B4GALNT2: variants seen among roughly 807,000 people sequenced by gnomAD.
B4GALNT2 encodes the protein N-acetylneuraminylgalactosylglucosyl-glucoside beta-1,4-N- acetylgalactosaminyltransferase 2.
In B4GALNT2, 42 loss-of-function variants were observed where a neutral mutation model predicts 51.1. The observed-to-expected ratio is 0.82, with a 90% CI of 0.64 to 1.06. The LOEUF (loss-of-function observed/expected upper bound fraction) is 1.06. B4GALNT2 is among the 50% of genes least tolerant of loss of function. The pLI, the probability that B4GALNT2 is intolerant of heterozygous loss-of-function variation, is 0.00. For synonymous variants in B4GALNT2, 253 were observed against 251.7 expected (o/e 1.01, Z -0.05); for missense variants, 602 against 633.6 (o/e 0.95, Z 0.54).
rs2042943656 is a variant in B4GALNT2 at position 49,169,637 on chromosome 17, C to T, written c.1430C>T (p.Thr477Ile). The change falls in exon 11 of 11, where the codon ACC becomes ATC. Residue 477 changes from threonine (T) to isoleucine (I), a missense_variant. Physicochemically the swap from Thr to Ile is moderately conservative, Grantham distance 89. Transcript: ENST00000393354. ...VDSELAALEK[T>I]YNTYRSNTLT... ...TCAGAACTGGCTGCCCTAGAGAAGA[C>T]CTACAATACATACCGGTCCAACACC... 2.5e-6 allele frequency: 4 copies of T among 1,613,062 alleles called. No individual in the cohort carries two copies. The highest frequency in any genetic ancestry group is 3.3e-5 in the Admixed American group (2 of 59,972).
rs1383829432 is a variant in B4GALNT2, at chr17:49,141,420, G to A, written c.188G>A (p.Arg63Lys). ...KLKLLPEERLRNLFSYDGIWL... is the reference protein window; with the variant it reads ...KLKLLPEERLKNLFSYDGIWL... ...AAGCTTCTGCCTGAGGAACGTCTCA[G>A]GAACCTCTTTTCCTACGATGGAATC... Residue 63 changes from arginine to lysine, a missense_variant, in exon 2 of 11, where the codon AGG becomes AAG. Physicochemically the swap from Arg to Lys is conservative, Grantham distance 26 (BLOSUM62 2). Coordinates refer to ENST00000393354, the MANE Select transcript of B4GALNT2 (RefSeq NM_001159387.2). 2.5e-6 allele frequency: 4 copies of A among 1,614,026 alleles called. No homozygotes were observed. Among genetic ancestry groups the A allele is most frequent in the African/African-American group, 1.3e-5 (1 of 74,912 alleles).
At chr17:49,157,558 G>A (rs530285286) in intron 5 of B4GALNT2, among the ~76,000 whole-genome samples, 1 of 152,222 alleles carries the variant, frequency 6.6e-6, no homozygotes, top group Admixed American at 6.5e-5. Flanking sequence ...CTGACCTTAA[G>A]TGATCCATCT....
Position 49,175,024 on chromosome 17 carries a change from T to TGACA in B4GALNT2, c.*5296_*5297insGACA, listed in dbSNP as rs1567870584. Reference sequence around the variant, plus strand: ...GGTACAGAAGTTATAATTGGTTGAATAGTCCCATGTTGTCCATCGGGCCCC... The same window carrying TGACA: ...GGTACAGAAGTTATAATTGGTTGAATGACAAGTCCCATGTTGTCCATCGGGCCCC... On this transcript the variant is annotated 3_prime_UTR_variant, in exon 11 of 11. Coordinates refer to ENST00000393354, the MANE Select transcript of B4GALNT2 (RefSeq NM_001159387.2). 3 of 152,180 alleles carry TGACA rather than the reference T, an allele frequency of 2.0e-5. No homozygotes were observed. The highest frequency in any genetic ancestry group is 2.4e-5 in the African/African-American group (1 of 41,444). The allele number at this position is 152,180 out of a possible 1,614,324, so 9.4% of individuals were successfully genotyped here. A position where few individuals can be genotyped will look rare whatever the true frequency, so the allele number is the denominator to read the frequency against.
intron 3 of B4GALNT2, among the ~76,000 whole-genome samples, chr17:49,146,927 GATAA>G (rs2042700334): frequency 6.6e-6 from 1 of 152,166 alleles, no homozygotes; most frequent in Non-Finnish European, 1.5e-5. Context: ...AATTACATAT[GATAA>G]ATAACCCAGA....
Position 49,164,368 on chromosome 17 carries a change from G to A in B4GALNT2, c.954+93G>A, listed in dbSNP as rs2042892243. ...CCTGGATGGGGCCGCTTCCTCAAGG[G>A]TCTTCCCAAGAAAGCAGAGTCCAGG... On this transcript the variant is annotated intron_variant, in intron 8 of 10. Coordinates refer to ENST00000393354, the MANE Select transcript of B4GALNT2 (RefSeq NM_001159387.2). 3.4e-6 allele frequency: 4 copies of A among 1,183,788 alleles called. No individual in the cohort carries two copies. In the African/African-American group the frequency reaches 4.5e-5, roughly 13 times the overall value. The allele number at this position is 1,183,788 out of a possible 1,614,324, so 73.3% of individuals were successfully genotyped here.
chr17:49,146,590 C>T (rs1321246572), intron 3 of B4GALNT2, among the ~76,000 whole-genome samples: 1 of 152,222 alleles, frequency 6.6e-6, no homozygotes, highest in Non-Finnish European at 1.5e-5. Flanking sequence ...GGATTACAGG[C>T]GTGAGCCACC....
chr17:49,167,816 G>T (rs1484131725), intron 9 of B4GALNT2, among the ~76,000 whole-genome samples: 1 of 151,900 alleles, frequency 6.6e-6, no homozygotes, highest in Non-Finnish European at 1.5e-5. Context: ...CACCATATTG[G>T]CCAGGCTGCT....
chr17:49,134,104 G>A (rs2042568447), intron 1 of B4GALNT2, among the ~76,000 whole-genome samples: 1 of 152,166 alleles, frequency 6.6e-6, no homozygotes, highest in Non-Finnish European at 1.5e-5. Flanking sequence ...TGACTGAAAA[G>A]GAGGAAGCTG....
chr17:49,168,275 G>C (rs572163782), intron 9 of B4GALNT2, among the ~76,000 whole-genome samples: 1 of 152,130 alleles, frequency 6.6e-6, no homozygotes, highest in Non-Finnish European at 1.5e-5. Flanking sequence ...AAGACAGCTC[G>C]AGACAAACAG....
Position 49,141,346 on chromosome 17 carries a change from C to A in B4GALNT2, c.114C>A (p.Ser38Arg), listed in dbSNP as rs754699069. ...GCATGTTCCTTCAAGCAGTGTTCAG[C>A]AGCCCCAAGCCAGAACTCCCAAGTC... Reference protein sequence around the residue: ...FGSMFLQAVFSSPKPELPSPA... With the variant: ...FGSMFLQAVFRSPKPELPSPA... Residue 38 changes from serine (S) to arginine (R), a missense_variant, in exon 2 of 11, where the codon AGC becomes AGA. Physicochemically the swap from Ser to Arg is moderately radical, Grantham distance 110 (BLOSUM62 -1). Transcript: ENST00000393354. 5 of 1,614,124 alleles carry A rather than the reference C, an allele frequency of 3.1e-6. No homozygotes were observed. The highest frequency in any genetic ancestry group is 4.2e-6 in the Non-Finnish European group (5 of 1,180,002).
rs201152013 is a variant in B4GALNT2 at position 49,169,688 on chromosome 17, C to T, written c.1481C>T (p.Ala494Val). 3.1e-6 allele frequency: 5 copies of T among 1,601,078 alleles called. No homozygotes were observed. The highest frequency in any genetic ancestry group is 1.7e-5 in the Admixed American group (1 of 59,294). The change falls in exon 11 of 11, where the codon GCC becomes GTC. Residue 494 changes from alanine to valine, a missense_variant. Ala to Val is a moderately conservative substitution (Grantham distance 64). Transcript: ENST00000393354. ...CTCACCCGGGTCCAGTTCAAGCTGG[C>T]CCTCCACTACTTCAAGAACCATCTC... is the stretch of plus-strand genomic sequence containing the variant. Reference protein sequence around the residue: ...NTLTRVQFKLALHYFKNHLQC... With the variant: ...NTLTRVQFKLVLHYFKNHLQC...
chr17:49,167,438 C>A (rs1391083594), intron 9 of B4GALNT2, among the ~76,000 whole-genome samples: 1 of 151,872 alleles, frequency 6.6e-6, no homozygotes, highest in African/African-American at 2.4e-5. Context: ...TCTTTTTTTT[C>A]TTTAAATAAT....
At chr17:49,155,475 A>G (rs1208460999) in intron 4 of B4GALNT2, among the ~76,000 whole-genome samples, 1 of 150,024 alleles carries the variant, frequency 6.7e-6, no homozygotes, top group Non-Finnish European at 1.5e-5. Context: ...GGTGGCTCAC[A>G]CCTGTAGTCC....
the B4GALNT2 span, among the ~76,000 whole-genome samples, chr17:49,125,748 T>TG: frequency 7.1e-5 from 7 of 98,202 alleles, no homozygotes; most frequent in African/African-American, 2.3e-4. Context: ...CGGAGGGAGG[T>TG]GGGGGGGTCA....
chr17:49,155,717 T>TTTTTTG (rs1010122257), intron 4 of B4GALNT2, among the ~76,000 whole-genome samples: 2 of 150,272 alleles, frequency 1.3e-5, no homozygotes, highest in African/African-American at 4.9e-5. Flanking sequence ...TCAACAACTT[T>TTTTTTG]TTTTTGTTTT....
chr17:49,138,678 A>AGG (rs2042612700), intron 1 of B4GALNT2, among the ~76,000 whole-genome samples: 1 of 152,152 alleles, frequency 6.6e-6, no homozygotes, highest in Non-Finnish European at 1.5e-5. Context: ...AGTATTTGAG[A>AGG]CCAGCCTGGC....
At position 49,172,993 on chromosome 17, in the gene B4GALNT2, A is replaced by C. The variant is rs1355106439; in HGVS notation, c.*3265A>C. On this transcript the variant is annotated 3_prime_UTR_variant, in exon 11 of 11. Transcript: ENST00000393354. ...TTGGGCATCGCTGGATAATAGCTTTAGCTTCTTTCCAGGTAATGCCGTATC... is the reference window on the plus strand; with the variant it reads ...TTGGGCATCGCTGGATAATAGCTTTCGCTTCTTTCCAGGTAATGCCGTATC... 1.3e-5 allele frequency: 2 copies of C among 152,274 alleles called. No homozygotes were observed. Among genetic ancestry groups the C allele is most frequent in the African/African-American group, 4.8e-5 (2 of 41,480 alleles). 9.4% of individuals were successfully genotyped at this position (152,274 alleles called of 1,614,324 possible).
chr17:49,131,466 A>AAG (rs2042538265), upstream of B4GALNT2, among the ~76,000 whole-genome samples: 1 of 34,396 alleles, frequency 2.9e-5, no homozygotes, highest in Non-Finnish European at 7.6e-5. Context: ...GACTCCGAAA[A>AAG]AAAAAAAAAA....
chr17:49,149,571 C>T (rs144312639), intron 3 of B4GALNT2, among the ~76,000 whole-genome samples: 308 of 151,460 alleles, frequency 2.0e-3, no homozygotes, highest in Non-Finnish European at 3.0e-3. Context: ...CGCTTGAACC[C>T]GGGAGGTGGA....
Sources: allele counts gnomAD v4.1 joint callset (sites outside exome capture counted in the v4.1 genomes callset), GRCh38; gene constraint gnomAD v4.1.1; transcripts MANE v1.5; gene names NCBI Gene and HGNC (gene_info 2026-07-23, HGNC 2026-07-21).